The following FH variants were observed in gnomAD, a reference collection of about 807,000 sequenced individuals.
FH encodes fumarate hydratase, mitochondrial.
A neutral mutation model predicts 49.4 loss-of-function variants in FH; 22 were observed. That is an observed-to-expected ratio of 0.45 (90% CI 0.32 to 0.64). FH has a LOEUF of 0.64. Ranked by LOEUF, FH falls within the 30% of genes least tolerant of loss-of-function variation. The pLI, the probability that FH is intolerant of heterozygous loss-of-function variation, is 0.05. For synonymous variants in FH, 208 were observed against 223.0 expected (o/e 0.93, Z 0.60); for missense variants, 526 against 641.5 (o/e 0.82, Z 1.95).
At chr1:241,505,877 T>A (rs1184160719) in intron 6 of FH, 126 bp downstream of exon 6, 4 of 921,186 alleles carry the variant, frequency 4.3e-6, no homozygotes, top group Non-Finnish European at 6.9e-6. Context: ...TTAAAACACA[T>A]GTTTGATGGA....
rs199638673 is a variant in FH, at chr1:241,502,506, A to G, written c.1173T>C (p.His391=). ...TGCTGCCTCCGACAGTGACAGCAAC[A>G]TGGTTCCCCATGACTTGGGCTGCAA... The part of the protein sequence containing the change: ...TMVAAQVMGN[H]VAVTVGGSNG... The change falls in exon 8 of 10, where the codon CAT becomes CAC. Residue 391 remains histidine (H), a synonymous_variant. Transcript: ENST00000366560. 7 of 1,613,958 alleles carry G rather than the reference A, an allele frequency of 4.3e-6. No individual in the cohort carries two copies. Among genetic ancestry groups the G allele is most frequent in the Non-Finnish European group, 4.2e-6 (5 of 1,179,928 alleles).
chr1:241,498,777 A>G (rs1328990498), intron 9 of FH, among the ~76,000 whole-genome samples: 3 of 137,474 alleles, frequency 2.2e-5, no homozygotes, highest in Admixed American at 1.5e-4. Context: ...AAATGAAACC[A>G]ATGCGGGAGA....
chr1:241,517,416 G>T, intron 1 of FH, 100 bp from the exon 2 acceptor site: 2 of 1,287,296 alleles, frequency 1.6e-6, no homozygotes, highest in Non-Finnish European at 2.2e-6. Flanking sequence ...ACCTGAATAA[G>T]TATCACAAAG....
At chr1:241,499,562 A>C (rs955147274) in intron 9 of FH, among the ~76,000 whole-genome samples, 3 of 152,202 alleles carry the variant, frequency 2.0e-5, no homozygotes, top group African/African-American at 7.2e-5. Context: ...TAATTTTAAA[A>C]AACTGTAATT....
chr1:241,508,631 T>C lies in FH; in HGVS notation c.710A>G (p.Gln237Arg). The C allele has an allele frequency of 3.7e-6, 6 of 1,613,908 alleles. No individual in the cohort carries two copies. The highest frequency in any genetic ancestry group is 5.1e-6 in the Non-Finnish European group (6 of 1,179,804). The change falls in exon 5 of 10, where the codon CAG becomes CGG. Residue 237 changes from glutamine (Q) to arginine (R), a missense_variant. Coordinates refer to ENST00000366560, the MANE Select transcript of FH (RefSeq NM_000143.4). ...QIIKIGRTHTQDAVPLTLGQE... is the reference protein window; with the variant it reads ...QIIKIGRTHTRDAVPLTLGQE... ...CCCAAGAGTAAGTGGAACAGCATCC[T>C]GAGTATGAGTACGTCCAATCTTGAT... is the stretch of plus-strand genomic sequence containing the variant.
At chr1:241,515,455 A>G (rs1471832550) in intron 2 of FH, among the ~76,000 whole-genome samples, 2 of 152,134 alleles carry the variant, frequency 1.3e-5, no homozygotes, top group Non-Finnish European at 2.9e-5. Context: ...AGGATTGGTC[A>G]CTACCCTTTT....
chr1:241,503,598 A>G (rs541919543), intron 7 of FH, among the ~76,000 whole-genome samples: 4 of 152,368 alleles, frequency 2.6e-5, no homozygotes, highest in African/African-American at 9.6e-5. Flanking sequence ...ACCCAGCTAC[A>G]TTCATCTGCC....
chr1:241,503,806 C>T (rs1466927103), intron 7 of FH, among the ~76,000 whole-genome samples: 3 of 152,260 alleles, frequency 2.0e-5, no homozygotes, highest in African/African-American at 7.2e-5. Flanking sequence ...ACAGCCTGCT[C>T]TACATTTTCT....
At chr1:241,519,504 T>C in intron 1 of FH, 87 bp downstream of exon 1, 1 of 1,465,442 alleles carries the variant, frequency 6.8e-7, no homozygotes, top group Non-Finnish European at 9.1e-7. Context: ...GGGGAATCTC[T>C]CCCGCCAAGT....
chr1:241,504,719 G>A (rs919224845), intron 6 of FH, among the ~76,000 whole-genome samples: 9 of 151,980 alleles, frequency 5.9e-5, no homozygotes, highest in African/African-American at 1.9e-4. Context: ...TGGAATTACA[G>A]GAGTGTAATT....
Position 241,519,622 on chromosome 1 carries a change from G to A in FH, c.101C>T (p.Pro34Leu), listed in dbSNP as rs1398860901. 6.5e-7 allele frequency: 1 copy of A among 1,547,824 alleles called. No individual in the cohort carries two copies. Among genetic ancestry groups the A allele is most frequent in the Non-Finnish European group, 8.7e-7 (1 of 1,146,460 alleles). ...AGCCGCGTTCGGAGGCCAAAACGAGGGCACGGCCGCGCCACCCAAGCCGGG... is the reference window on the plus strand; with the variant it reads ...AGCCGCGTTCGGAGGCCAAAACGAGAGCACGGCCGCGCCACCCAAGCCGGG... ...SAPGLGGAAV[P>L]SFWPPNAARM... The change falls in exon 1 of 10, where the codon CCC (proline) becomes CTC (leucine). Residue 34 changes from proline to leucine, a missense_variant. Physicochemically the swap from Pro to Leu is moderately conservative, Grantham distance 98. This residue lies in a region of FH where 143 missense variants were observed against 127.5 expected (regional missense o/e 1.12). Coordinates refer to ENST00000366560, the MANE Select transcript of FH (RefSeq NM_000143.4).
intron 6 of FH, among the ~76,000 whole-genome samples, chr1:241,505,370 C>T (rs1271410218): frequency 1.3e-5 from 2 of 152,134 alleles, no homozygotes; most frequent in African/African-American, 4.8e-5. Flanking sequence ...CTACATTTGC[C>T]AAACCCTAAA....
intron 4 of FH, among the ~76,000 whole-genome samples, chr1:241,511,183 G>T (rs76846917): frequency 6.6e-6 from 1 of 152,128 alleles, no homozygotes. Context: ...TCTCATGAAC[G>T]GAATTAGTGT....
At chr1:241,498,028 G>C in intron 9 of FH, 58 bp from the exon 10 acceptor site, 1 of 1,556,962 alleles carries the variant, frequency 6.4e-7, no homozygotes, top group African/African-American at 1.4e-5. Flanking sequence ...GTTTCCTAAA[G>C]CAAAAGGTGA....
Position 241,519,574 on chromosome 1 carries a change from T to G in FH, c.132+17A>C, listed in dbSNP as rs2147926796. The stretch of plus-strand genomic sequence containing the variant: ...AGGTCACTGCGGGGAGGCCGGGGGA[T>G]GGCGGCCTGCGCTCACCATTCGAGC... On this transcript the variant is annotated intron_variant, in intron 1 of 9. Coordinates refer to ENST00000366560, the MANE Select transcript of FH (RefSeq NM_000143.4). 6.5e-7 allele frequency: 1 copy of G among 1,544,764 alleles called. No homozygotes were observed. Among genetic ancestry groups the G allele is most frequent in the Non-Finnish European group, 8.7e-7 (1 of 1,145,010 alleles).
At chr1:241,518,809 A>G (rs951411553) in intron 1 of FH, among the ~76,000 whole-genome samples, 2 of 152,230 alleles carry the variant, frequency 1.3e-5, no homozygotes, top group African/African-American at 4.8e-5. Context: ...ATGACACTCT[A>G]AAGAGCAAAA....
intron 9 of FH, 70 bp downstream of exon 9, chr1:241,500,367 T>G: frequency 6.8e-7 from 1 of 1,469,100 alleles, no homozygotes; most frequent in Non-Finnish European, 9.5e-7. Flanking sequence ...CTGATCCACT[T>G]GTCTCTTAAA....
intron 4 of FH, among the ~76,000 whole-genome samples, chr1:241,509,693 T>C (rs1365683629): frequency 6.6e-6 from 1 of 151,974 alleles, no homozygotes; most frequent in Non-Finnish European, 1.5e-5. Flanking sequence ...TGAGGATCCC[T>C]GGAGCTCAGC....
intron 6 of FH, among the ~76,000 whole-genome samples, chr1:241,504,515 C>G (rs1204141034): frequency 6.6e-6 from 1 of 152,082 alleles, no homozygotes. Context: ...AATCACAGCT[C>G]ACTGTAGCCT....
Sources: gnomAD v4.1 joint callset for allele counts (sites outside exome capture counted in the v4.1 genomes callset) on GRCh38, gnomAD v4.1.1 for gene constraint, gnomAD v4.1.1 regional missense constraint, MANE v1.5 for transcripts, NCBI Gene and HGNC (gene_info 2026-07-23, HGNC 2026-07-21) for gene names.